The following TBC1D22A variants were observed in gnomAD, a reference collection of about 807,000 sequenced individuals.
TBC1D22A encodes the protein putative GTPase activator.
TBC1D22A carries 38 observed loss-of-function variants against 60.2 expected under a neutral mutation model. The observed-to-expected ratio is 0.63, with a 90% CI of 0.49 to 0.83. The LOEUF is 0.83. Ranked by LOEUF, TBC1D22A falls within the 40% of genes least tolerant of loss-of-function variation. TBC1D22A has a pLI of 0.00. For synonymous variants in TBC1D22A, 302 were observed against 281.7 expected, an observed-to-expected ratio of 1.07 and a Z score of -0.72; for missense variants, 628 against 701.0, an observed-to-expected ratio of 0.90 and a Z score of 1.18.
intron 4 of TBC1D22A, among the ~76,000 whole-genome samples, chr22:46,834,845 C>G: frequency 6.6e-6 from 1 of 152,184 alleles, no homozygotes; most frequent in East Asian, 1.9e-4. Context: ...CAACTGCACC[C>G]CTGTAGACAG....
rs144495977 is a variant in TBC1D22A, at chr22:47,138,328, C to T, written c.1425+26725C>T. The stretch of plus-strand genomic sequence containing the variant: ...TTCGGCCTCTGGGGGACAGGGAGGA[C>T]CGTGGACAGTGATGGACCTGCAGGC... On this transcript the variant is annotated intron_variant, in intron 12 of 12. Transcript: ENST00000337137. Among the ~76,000 whole-genome samples the T allele has an allele frequency of 3.9e-5, 6 of 152,250 alleles. No homozygotes were observed. In the East Asian group the frequency reaches 1.2e-3, roughly 29 times the overall value.
chr22:47,041,796 G>T (rs1377173799), intron 11 of TBC1D22A, among the ~76,000 whole-genome samples: 1 of 152,206 alleles, frequency 6.6e-6, no homozygotes, highest in Non-Finnish European at 1.5e-5. Context: ...CAGGCTTGTG[G>T]GCCATATGGA....
intron 4 of TBC1D22A, among the ~76,000 whole-genome samples, chr22:46,818,715 CTA>C (rs982037051): frequency 1.3e-5 from 2 of 152,142 alleles, no homozygotes; most frequent in Non-Finnish European, 2.9e-5. Flanking sequence ...ATTGTCTTGG[CTA>C]TATGGGGTTT....
chr22:47,132,857 A>T (rs1003180077), intron 12 of TBC1D22A, among the ~76,000 whole-genome samples: 6 of 152,214 alleles, frequency 3.9e-5, no homozygotes, highest in Admixed American at 3.9e-4. Context: ...TCTAAATGGC[A>T]CCTTGAAACA....
At chr22:47,078,008 C>T (rs2064299312) in intron 11 of TBC1D22A, among the ~76,000 whole-genome samples, 1 of 152,202 alleles carries the variant, frequency 6.6e-6, no homozygotes, top group Non-Finnish European at 1.5e-5. Context: ...TGCCCAGCAG[C>T]ATCTTGTATT....
At chr22:47,064,206 G>T (rs2090071096) in intron 11 of TBC1D22A, among the ~76,000 whole-genome samples, 1 of 152,254 alleles carries the variant, frequency 6.6e-6, no homozygotes, top group African/African-American at 2.4e-5. Context: ...CGGCACCCGT[G>T]CTCTCTCTGT....
chr22:47,042,719 C>T (rs2062891868), intron 11 of TBC1D22A, among the ~76,000 whole-genome samples: 1 of 152,232 alleles, frequency 6.6e-6, no homozygotes, highest in African/African-American at 2.4e-5. Flanking sequence ...TGAGAGGGGC[C>T]ACACAGACCC....
rs940863883 is a variant in TBC1D22A, at chr22:47,127,211, C to T, written c.1425+15608C>T. Among the ~76,000 whole-genome samples the T allele has an allele frequency of 6.6e-3, 950 of 143,506 alleles. 9 individuals are homozygous for T. Among genetic ancestry groups the T allele is most frequent in the African/African-American group, 0.023 (899 of 39,494 alleles). The allele number at this position is 143,506 out of a possible 152,430, so 94.1% of individuals were successfully genotyped here. A position where few individuals can be genotyped will look rare whatever the true frequency, so the allele number is the denominator to read the frequency against. The stretch of plus-strand genomic sequence containing the variant: ...TTGGCATGGATTTTTTTGTCTTTAT[C>T]TTTTTTTTTCTTTTTCTCTTTTTTT... On this transcript the variant is annotated intron_variant, in intron 12 of 12. Transcript: ENST00000337137.
chr22:46,919,627 C>T (rs377026836), intron 8 of TBC1D22A, among the ~76,000 whole-genome samples: 1 of 152,126 alleles, frequency 6.6e-6, no homozygotes. Flanking sequence ...TCCCACGTGG[C>T]GGCACCATTT....
At chr22:47,004,838 C>A (rs2061529686) in intron 10 of TBC1D22A, among the ~76,000 whole-genome samples, 1 of 151,292 alleles carries the variant, frequency 6.6e-6, no homozygotes, top group Non-Finnish European at 1.5e-5. Flanking sequence ...TATAGATACA[C>A]CCACACTACT....
intron 11 of TBC1D22A, among the ~76,000 whole-genome samples, chr22:47,104,170 G>C (rs967276426): frequency 5.9e-5 from 9 of 152,036 alleles, no homozygotes; most frequent in African/African-American, 1.4e-4. Flanking sequence ...GCTAGGTGTG[G>C]TGGTGTGTGC....
intron 10 of TBC1D22A, among the ~76,000 whole-genome samples, chr22:47,012,684 G>A (rs1226006231): frequency 6.6e-6 from 1 of 152,182 alleles, no homozygotes; most frequent in Non-Finnish European, 1.5e-5. Context: ...TTAAAACTGA[G>A]GGACAGCTTT....
chr22:46,890,707 T>C (rs2068350496), intron 5 of TBC1D22A, among the ~76,000 whole-genome samples: 2 of 152,216 alleles, frequency 1.3e-5, no homozygotes, highest in Admixed American at 1.3e-4. Flanking sequence ...CCTTTCTGAC[T>C]TCAAGTCCCC....
intron 11 of TBC1D22A, among the ~76,000 whole-genome samples, chr22:47,061,801 G>A (rs912550112): frequency 6.6e-6 from 1 of 152,168 alleles, no homozygotes; most frequent in African/African-American, 2.4e-5. Flanking sequence ...AGGTTAGAAA[G>A]TGTGACAAGG....
intron 12 of TBC1D22A, among the ~76,000 whole-genome samples, chr22:47,144,149 A>T (rs1286039787): frequency 6.6e-6 from 1 of 151,906 alleles, no homozygotes; most frequent in Non-Finnish European, 1.5e-5. Flanking sequence ...CCAAAATATC[A>T]CTGTCTCTCT....
chr22:47,034,776 GCA>G (rs770804412), intron 10 of TBC1D22A, among the ~76,000 whole-genome samples: 1 of 152,262 alleles, frequency 6.6e-6, no homozygotes, highest in Non-Finnish European at 1.5e-5. Context: ...CATTGAAATC[GCA>G]GTTTTATCCT....
chr22:47,014,144 T>C (rs1241753744), intron 10 of TBC1D22A, among the ~76,000 whole-genome samples: 2 of 152,180 alleles, frequency 1.3e-5, no homozygotes, highest in Non-Finnish European at 2.9e-5. Flanking sequence ...CAGTCTCTGA[T>C]GGGGGCTCAT....
intron 1 of TBC1D22A, among the ~76,000 whole-genome samples, chr22:46,790,925 ATTATT>A (rs1003532437): frequency 1.3e-5 from 2 of 152,116 alleles, no homozygotes; most frequent in Non-Finnish European, 2.9e-5. Flanking sequence ...TAATCACTAT[ATTATT>A]TTATTTTTTA....
At chr22:46,863,139 G>A (rs1207619182) in intron 4 of TBC1D22A, among the ~76,000 whole-genome samples, 1 of 152,156 alleles carries the variant, frequency 6.6e-6, no homozygotes, top group African/African-American at 2.4e-5. Context: ...CTCACACCAG[G>A]TTTATGGAGT....
Sources: gnomAD v4.1 joint callset for allele counts (sites outside exome capture counted in the v4.1 genomes callset) on GRCh38, gnomAD v4.1.1 for gene constraint, MANE v1.5 for transcripts, NCBI Gene and HGNC (gene_info 2026-07-23, HGNC 2026-07-21) for gene names.